Variants in PPP1R13B observed in about 807,000 individuals in gnomAD.
PPP1R13B encodes the protein protein phosphatase 1 regulatory subunit 13B, also known as apoptosis-stimulating of p53 protein 1.
PPP1R13B carries 44 observed loss-of-function variants against 119.8 expected under a neutral mutation model. The ratio of observed to expected loss-of-function variants is 0.37; its 90% CI spans 0.29 to 0.47. The LOEUF (loss-of-function observed/expected upper bound fraction) is 0.47, where lower values mean the gene tolerates loss of function less well. Among genes scored for constraint, PPP1R13B ranks in the 20% least tolerant of loss-of-function variants. The probability of loss-of-function intolerance (pLI) is 0.99; values close to 1 mark genes in which losing one functional copy is unlikely to be tolerated. For missense variants in PPP1R13B, 1,227 were observed against 1,413.5 expected, an observed-to-expected ratio of 0.87 and a Z score of 2.12; for synonymous variants, 542 against 561.5, an observed-to-expected ratio of 0.97 and a Z score of 0.49.
At chr14:103,801,069 C>CA (rs2085889682) in intron 1 of PPP1R13B, among the ~76,000 whole-genome samples, 1 of 152,094 alleles carries the variant, frequency 6.6e-6, no homozygotes, top group African/African-American at 2.4e-5. Context: ...AGGCTGCTCT[C>CA]AAACTCCCGA....
At chr14:103,844,194 G>A (rs1320128139) in intron 1 of PPP1R13B, among the ~76,000 whole-genome samples, 2 of 152,132 alleles carry the variant, frequency 1.3e-5, no homozygotes, top group South Asian at 2.1e-4. Context: ...TTGAGCCTAG[G>A]AGGCGGAGGT....
intron 3 of PPP1R13B, among the ~76,000 whole-genome samples, chr14:103,781,101 C>A (rs1310093500): frequency 6.6e-6 from 1 of 152,084 alleles, no homozygotes; most frequent in East Asian, 1.9e-4. Flanking sequence ...CCATACTCAG[C>A]CCGTTTCCAA....
At position 103,763,065 on chromosome 14, in the gene PPP1R13B, C is replaced by T. The variant is rs147849026; in HGVS notation, c.355-5314G>A. The T allele has an allele frequency of 8.4e-4, 1,063 of 1,267,142 alleles. 4 individuals carry two copies. In the African/African-American group the frequency reaches 8.6e-3, roughly 10 times the overall value. 78.5% of individuals were successfully genotyped at this position (1,267,142 alleles called of 1,614,324 possible). A position where few individuals can be genotyped will look rare whatever the true frequency, so the allele number is the denominator to read the frequency against. On this transcript the variant is annotated intron_variant, in intron 4 of 16. Transcript: ENST00000202556. ...CAAAAACTACCATCCTTAAAAGATT[C>T]GTTGTCACCAGCACTTTGTGAAGGT...
intron 1 of PPP1R13B, among the ~76,000 whole-genome samples, chr14:103,836,503 G>A (rs1215494735): frequency 6.6e-6 from 1 of 152,098 alleles, no homozygotes; most frequent in Non-Finnish European, 1.5e-5. Flanking sequence ...GGACGCTGTG[G>A]CTCATGCCTG....
intron 1 of PPP1R13B, among the ~76,000 whole-genome samples, chr14:103,845,588 C>T (rs1409232124): frequency 2.6e-5 from 4 of 152,042 alleles, no homozygotes; most frequent in Admixed American, 6.6e-5. Flanking sequence ...ACTCTACTCC[C>T]GTGGAATAGA....
chr14:103,841,915 C>T (rs1043017921), intron 1 of PPP1R13B, among the ~76,000 whole-genome samples: 6 of 152,162 alleles, frequency 3.9e-5, no homozygotes, highest in African/African-American at 1.4e-4. Flanking sequence ...TTACCACATC[C>T]ACCTCATTTT....
Position 103,736,094 on chromosome 14 carries a change from G to A in PPP1R13B, c.3140C>T (p.Thr1047Ile). ...GCTTTCGTCCTTGCGCCTCAGGATGGTGAGGGCGTCCCCTTCGTGGAAGGA... is the reference window on the plus strand; with the variant it reads ...GCTTTCGTCCTTGCGCCTCAGGATGATGAGGGCGTCCCCTTCGTGGAAGGA... ...ELSFHEGDAL[T>I]ILRRKDESET... Residue 1047 changes from threonine to isoleucine, a missense_variant, in exon 16 of 17, where the codon ACC becomes ATC. Transcript: ENST00000202556. 3 of 1,614,196 alleles carry A rather than the reference G, an allele frequency of 1.9e-6. No homozygotes were observed. The highest frequency in any genetic ancestry group is 2.5e-6 in the Non-Finnish European group (3 of 1,180,028).
chr14:103,804,276 G>T (rs950894268), intron 1 of PPP1R13B, among the ~76,000 whole-genome samples: 1 of 152,076 alleles, frequency 6.6e-6, no homozygotes, highest in East Asian at 1.9e-4. Flanking sequence ...AGGAACATCT[G>T]AACTAAGAAA....
Position 103,735,051 on chromosome 14 carries a change from A to G in PPP1R13B, c.*103T>C, listed in dbSNP as rs1337130338. 16 of 1,331,834 alleles carry G rather than the reference A, an allele frequency of 1.2e-5. No individual in the cohort carries two copies. Among genetic ancestry groups the G allele is most frequent in the Non-Finnish European group, 1.7e-5 (16 of 928,654 alleles). 82.5% of individuals were successfully genotyped at this position (1,331,834 alleles called of 1,614,324 possible). A position where few individuals can be genotyped will look rare whatever the true frequency, so the allele number is the denominator to read the frequency against. On this transcript the variant is annotated 3_prime_UTR_variant, in exon 17 of 17. Coordinates refer to ENST00000202556, the MANE Select transcript of PPP1R13B (RefSeq NM_015316.3). ...GACGCTGTCTGCTAAAGTGAGCACC[A>G]TTAAGACCATTTTCTAGCTGCAGCT...
chr14:103,784,199 C>G (rs1463522508), intron 3 of PPP1R13B, among the ~76,000 whole-genome samples: 3 of 151,514 alleles, frequency 2.0e-5, no homozygotes, highest in Non-Finnish European at 4.4e-5. Context: ...ACAAAAATCC[C>G]TTTAAACACC....
chr14:103,745,963 G>A (rs2084375814), intron 9 of PPP1R13B, among the ~76,000 whole-genome samples: 1 of 152,060 alleles, frequency 6.6e-6, no homozygotes, highest in African/African-American at 2.4e-5. Flanking sequence ...ACGCCACCAC[G>A]CCCGGCTAAT....
chr14:103,810,863 T>C (rs1047975137), intron 1 of PPP1R13B, among the ~76,000 whole-genome samples: 3 of 148,472 alleles, frequency 2.0e-5, no homozygotes, highest in African/African-American at 7.5e-5. Context: ...CTGAGCCCGG[T>C]GGATCACTTG....
chr14:103,748,820 A>AG (rs1200625982), intron 8 of PPP1R13B, among the ~76,000 whole-genome samples: 1 of 152,248 alleles, frequency 6.6e-6, no homozygotes, highest in Non-Finnish European at 1.5e-5. Context: ...CCCTGGGACC[A>AG]GGGAATAGCT....
At chr14:103,847,063 G>C (rs1340940801) in intron 1 of PPP1R13B, 1 of 1,015,542 alleles carries the variant, frequency 9.8e-7, no homozygotes, top group Non-Finnish European at 1.2e-6. Context: ...CCCCGCGGCC[G>C]CGGAGGCCGA....
intron 2 of PPP1R13B, among the ~76,000 whole-genome samples, chr14:103,786,928 G>A (rs1250690086): frequency 2.0e-5 from 3 of 151,364 alleles, no homozygotes; most frequent in Non-Finnish European, 4.4e-5. Context: ...GGTTGGTCTC[G>A]AACTCCCGAC....
chr14:103,776,431 T>A (rs2085196944), intron 4 of PPP1R13B, among the ~76,000 whole-genome samples: 1 of 152,192 alleles, frequency 6.6e-6, no homozygotes, highest in Non-Finnish European at 1.5e-5. Context: ...ATTCAGCTCA[T>A]TAGAAAGCTC....
intron 1 of PPP1R13B, among the ~76,000 whole-genome samples, chr14:103,845,106 C>T (rs1208328026): frequency 6.6e-6 from 1 of 152,112 alleles, no homozygotes; most frequent in Non-Finnish European, 1.5e-5. Context: ...TTGTGGCTTG[C>T]TTTACATTTT....
rs759009350 is a variant in PPP1R13B, at chr14:103,738,851, C to T, written c.2730+35G>A. ...CCTGTGAGCGCCCATCCCCTCGCCC[C>T]CAGCAGCGTGCACTGGTCCCCGGCT... On this transcript the variant is annotated intron_variant, in intron 13 of 16. Coordinates refer to ENST00000202556, the MANE Select transcript of PPP1R13B (RefSeq NM_015316.3). This position sits in a 1 kb window ranked among gnomAD's most constrained non-coding sequence, Gnocchi z 5.6. 2 of 1,613,460 alleles carry T rather than the reference C, an allele frequency of 1.2e-6. No individual in the cohort carries two copies. The highest frequency in any genetic ancestry group is 3.3e-5 in the Admixed American group (2 of 60,012).
intron 2 of PPP1R13B, among the ~76,000 whole-genome samples, chr14:103,790,039 A>C (rs528998182): frequency 1.3e-5 from 2 of 152,040 alleles, no homozygotes; most frequent in East Asian, 2.0e-4. Context: ...TGAGGTCAAG[A>C]GTTCCAGACC....
Sources: gnomAD v4.1 joint callset for allele counts (sites outside exome capture counted in the v4.1 genomes callset) on GRCh38, gnomAD v4.1.1 for gene constraint, Gnocchi (gnomAD v3.1) non-coding constraint, MANE v1.5 for transcripts, NCBI Gene and HGNC (gene_info 2026-07-23, HGNC 2026-07-21) for gene names.